Variants in BCL2 observed in about 807,000 individuals in gnomAD.
BCL2 encodes apoptosis regulator Bcl-2.
In BCL2, 1 loss-of-function variant was observed where a neutral mutation model predicts 14.2. That is an observed-to-expected ratio of 0.07 (90% CI 0.02 to 0.33). BCL2 has a LOEUF of 0.33. Ranked by LOEUF, BCL2 falls within the 10% of genes least tolerant of loss-of-function variation. BCL2 has a pLI of 0.99. For synonymous variants in BCL2, 151 were observed against 137.2 expected (o/e 1.10, Z -0.70); for missense variants, 247 against 305.9 (o/e 0.81, Z 1.44).
chr18:63,218,751 C>CACTCCTCCCCATCCTCT (rs1910292059), intron 2 of BCL2, among the ~76,000 whole-genome samples: 3 of 33,770 alleles, frequency 8.9e-5, no homozygotes, highest in Non-Finnish European at 1.1e-4. Flanking sequence ...CTCCATCCTC[C>CACTCCTCCCCATCCTCT]ACTCATCCCC....
chr18:63,290,211 T>C (rs931485862), intron 2 of BCL2, among the ~76,000 whole-genome samples: 21 of 152,194 alleles, frequency 1.4e-4, no homozygotes, highest in African/African-American at 4.6e-4. Context: ...TTAAATATTT[T>C]GATTATGTGT....
chr18:63,174,893 A>C (rs1054546108), intron 2 of BCL2, among the ~76,000 whole-genome samples: 4 of 151,882 alleles, frequency 2.6e-5, no homozygotes, highest in Admixed American at 2.6e-4. Flanking sequence ...CTCCCCCAAA[A>C]CACTAAATTT....
At chr18:63,138,915 G>A (rs1183268967) in intron 2 of BCL2, among the ~76,000 whole-genome samples, 1 of 152,208 alleles carries the variant, frequency 6.6e-6, no homozygotes, top group African/African-American at 2.4e-5. Context: ...AAAATGAGAA[G>A]CCCAAATGGG....
intron 2 of BCL2, among the ~76,000 whole-genome samples, chr18:63,303,962 A>C (rs1276488331): frequency 1.3e-5 from 2 of 152,224 alleles, no homozygotes; most frequent in East Asian, 3.8e-4. Context: ...GCTATATTAT[A>C]CTAATACATT....
At chr18:63,267,221 G>T (rs912362932) in intron 2 of BCL2, among the ~76,000 whole-genome samples, 1 of 152,196 alleles carries the variant, frequency 6.6e-6, no homozygotes, top group African/African-American at 2.4e-5. Flanking sequence ...TTATACAGGG[G>T]CATTCCGTGC....
At position 63,127,095 on chromosome 18, in the gene BCL2, T is replaced by A. The variant is rs1050223210; in HGVS notation, c.*1530A>T. On this transcript the variant is annotated 3_prime_UTR_variant, in exon 3 of 3. Transcript: ENST00000333681. ...CCCATATTCCACACCTGGAACTTTT[T>A]TTTTGTCAGGTTTTCAAATAAAACC... The A allele has an allele frequency of 5.2e-5, 12 of 229,028 alleles. No individual in the cohort carries two copies. Among genetic ancestry groups the A allele is most frequent in the African/African-American group, 2.7e-4 (12 of 45,076 alleles). 14.2% of individuals were successfully genotyped at this position (229,028 alleles called of 1,614,324 possible). A position where few individuals can be genotyped will look rare whatever the true frequency, so the allele number is the denominator to read the frequency against.
intron 2 of BCL2, among the ~76,000 whole-genome samples, chr18:63,138,501 C>A (rs1269340147): frequency 1.3e-5 from 2 of 152,210 alleles, no homozygotes; most frequent in Non-Finnish European, 2.9e-5. Flanking sequence ...AAAAAATAAC[C>A]CTTGAGCATA....
chr18:63,223,818 C>T (rs934441378), intron 2 of BCL2, among the ~76,000 whole-genome samples: 2 of 152,216 alleles, frequency 1.3e-5, no homozygotes, highest in African/African-American at 4.8e-5. Flanking sequence ...AAGTCCCTCA[C>T]GCATCCTCAG....
chr18:63,161,385 T>C (rs1019901449), intron 2 of BCL2, among the ~76,000 whole-genome samples: 5 of 152,226 alleles, frequency 3.3e-5, no homozygotes, highest in African/African-American at 1.2e-4. Flanking sequence ...TCACTGATGC[T>C]TTCTTTTTGC....
chr18:63,319,974 A>C (rs1913648886), upstream of BCL2: 1 of 153,912 alleles, frequency 6.5e-6, no homozygotes, highest in African/African-American at 2.4e-5. Context: ...CCCGCCGCGC[A>C]GCCCGCTCCG....
chr18:63,128,945 C>T (rs1342624554), intron 2 of BCL2, among the ~76,000 whole-genome samples, 186 bp from the exon 3 acceptor site: 1 of 152,174 alleles, frequency 6.6e-6, no homozygotes, highest in Non-Finnish European at 1.5e-5. Context: ...TAATTCAAGG[C>T]ATATTTATTG....
intron 2 of BCL2, among the ~76,000 whole-genome samples, chr18:63,208,347 G>A (rs1258254177): frequency 1.5e-4 from 13 of 88,610 alleles, no homozygotes; most frequent in South Asian, 7.3e-4. Flanking sequence ...CCCCACCCCC[G>A]CCCACCCGGC....
intron 2 of BCL2, among the ~76,000 whole-genome samples, chr18:63,268,672 C>A (rs1183851241): frequency 6.6e-6 from 1 of 152,194 alleles, no homozygotes; most frequent in Non-Finnish European, 1.5e-5. Flanking sequence ...ACACTTAAAG[C>A]AACTTCATTT....
At chr18:63,224,940 T>G (rs189008902) in intron 2 of BCL2, among the ~76,000 whole-genome samples, 71 of 151,884 alleles carry the variant, frequency 4.7e-4, no homozygotes, top group African/African-American at 1.6e-3. Context: ...AAAGGGAAGT[T>G]CTAGAATAAC....
intron 2 of BCL2, among the ~76,000 whole-genome samples, chr18:63,249,867 C>T (rs1033489041): frequency 4.6e-5 from 7 of 152,092 alleles, no homozygotes; most frequent in African/African-American, 1.7e-4. Context: ...TCCTCCCCGT[C>T]TACTTGGTGA....
At chr18:63,137,145 G>A (rs1044202197) in intron 2 of BCL2, among the ~76,000 whole-genome samples, 16 of 152,318 alleles carry the variant, frequency 1.1e-4, no homozygotes, top group East Asian at 3.9e-4. Context: ...CAATGCTCTG[G>A]CTCCAACCTA....
intron 2 of BCL2, among the ~76,000 whole-genome samples, chr18:63,140,523 G>A (rs1487995705): frequency 1.3e-5 from 2 of 152,222 alleles, no homozygotes; most frequent in Non-Finnish European, 2.9e-5. Context: ...AAAAACATGA[G>A]GCCAAGTGAA....
chr18:63,269,760 A>T (rs1197511782), intron 2 of BCL2, among the ~76,000 whole-genome samples: 1 of 152,218 alleles, frequency 6.6e-6, no homozygotes, highest in Admixed American at 6.5e-5. Flanking sequence ...ATTTTGAAAA[A>T]TAATGTCAGT....
intron 2 of BCL2, among the ~76,000 whole-genome samples, chr18:63,141,505 C>T (rs762767950): frequency 6.6e-6 from 1 of 152,188 alleles, no homozygotes; most frequent in Non-Finnish European, 1.5e-5. Context: ...GTCCCAGACC[C>T]CAACCCCCAT....
Sources: allele counts gnomAD v4.1 joint callset (sites outside exome capture counted in the v4.1 genomes callset), GRCh38; gene constraint gnomAD v4.1.1; transcripts MANE v1.5; gene names NCBI Gene and HGNC (gene_info 2026-07-23, HGNC 2026-07-21).